GARIN5B: variants seen among roughly 807,000 people sequenced by gnomAD.
GARIN5B encodes golgi associated RAB2 interactor family member 5B.
At chr19:55,359,050 G>A in the GARIN5B span, 1 of 1,551,384 alleles carries the variant, frequency 6.4e-7, no homozygotes, top group Admixed American at 2.0e-5. Context: ...CCGGGGACTT[G>A]GCCTGAGTCG....
chr19:55,356,182 G>A, the GARIN5B span, among the ~76,000 whole-genome samples: 1 of 151,696 alleles, frequency 6.6e-6, no homozygotes, highest in African/African-American at 2.4e-5. Context: ...GACTAGCCTG[G>A]CCAACATGGC....
At chr19:55,360,444 T>G in the GARIN5B span, among the ~76,000 whole-genome samples, 2 of 107,700 alleles carry the variant, frequency 1.9e-5, no homozygotes, top group African/African-American at 3.7e-5. Context: ...GACTCAGGAG[T>G]CCAGGCCCCC....
At chr19:55,359,523 G>A in the GARIN5B span, 3 of 1,548,036 alleles carry the variant, frequency 1.9e-6, no homozygotes, top group South Asian at 1.2e-5. Flanking sequence ...GCCTTCCGGG[G>A]AGGAGCTGAC....
the GARIN5B span, chr19:55,358,344 C>T: frequency 6.6e-7 from 1 of 1,526,340 alleles, no homozygotes; most frequent in African/African-American, 1.4e-5. Flanking sequence ...CTGGCTGTGG[C>T]CTCCATCTTT....
chr19:55,362,716 C>A, the GARIN5B span: 11 of 1,536,410 alleles, frequency 7.2e-6, no homozygotes, highest in African/African-American at 1.1e-4. Context: ...GAACACTGGG[C>A]CCCCTTGATG....
chr19:55,358,857 T>C, the GARIN5B span: 410 of 1,547,460 alleles, frequency 2.6e-4, 1 homozygote, highest in Admixed American at 3.6e-4. Context: ...TTGACCCATC[T>C]CTTCCGCTGC....
the GARIN5B span, chr19:55,359,035 C>T: frequency 1.3e-6 from 2 of 1,551,392 alleles, no homozygotes; most frequent in East Asian, 2.4e-5. Flanking sequence ...CGGTGAAGGG[C>T]GACTCCGGGG....
At chr19:55,359,520 G>A in the GARIN5B span, 92 of 1,551,224 alleles carry the variant, frequency 5.9e-5, no homozygotes, top group African/African-American at 8.2e-5. Flanking sequence ...GGGGCCTTCC[G>A]GGGAGGAGCT....
At chr19:55,362,171 C>G in the GARIN5B span, 1 of 1,438,930 alleles carries the variant, frequency 6.9e-7, no homozygotes. Context: ...GGCTCTTGGT[C>G]GCAGTCCCCT....
the GARIN5B span, chr19:55,359,807 G>A: frequency 6.4e-7 from 1 of 1,551,420 alleles, no homozygotes; most frequent in Non-Finnish European, 8.7e-7. Flanking sequence ...AGACGACAAA[G>A]TGCTGCCCCC....
At chr19:55,362,305 C>T in the GARIN5B span, 3 of 1,549,672 alleles carry the variant, frequency 1.9e-6, no homozygotes, top group African/African-American at 1.4e-5. Flanking sequence ...GGGCCGTGCG[C>T]GTGGTCCTGG....
the GARIN5B span, among the ~76,000 whole-genome samples, chr19:55,357,299 A>G: frequency 5.9e-5 from 9 of 152,212 alleles, no homozygotes; most frequent in Non-Finnish European, 1.2e-4. Flanking sequence ...ATCCGTCTCC[A>G]TCATTCTTCT....
the GARIN5B span, chr19:55,362,763 C>A: frequency 6.6e-7 from 1 of 1,512,030 alleles, no homozygotes; most frequent in South Asian, 1.2e-5. Context: ...GGGCTGGGAC[C>A]ACTCCTTCCT....
At chr19:55,361,523 A>T in the GARIN5B span, 1 of 1,327,476 alleles carries the variant, frequency 7.5e-7, no homozygotes, top group African/African-American at 1.5e-5. Flanking sequence ...TCCTGCTCCC[A>T]GGACCTGACG....
chr19:55,362,548 G>C, the GARIN5B span: 1 of 1,528,890 alleles, frequency 6.5e-7, no homozygotes, highest in Non-Finnish European at 8.8e-7. Context: ...GGGGTGGAGG[G>C]GGCGGCCGAG....
chr19:55,362,566 G>A, the GARIN5B span: 1 of 1,535,564 alleles, frequency 6.5e-7, no homozygotes. Flanking sequence ...GAGGGGTTGG[G>A]GGATGCGGCA....
At chr19:55,358,725 C>T in the GARIN5B span, 357 of 1,549,954 alleles carry the variant, frequency 2.3e-4, 1 homozygote, top group Non-Finnish European at 2.4e-4. Flanking sequence ...GAGACCAAAG[C>T]GGATTTCGAG....
At chr19:55,359,572 G>A in the GARIN5B span, 1 of 1,551,292 alleles carries the variant, frequency 6.4e-7, no homozygotes, top group East Asian at 2.4e-5. Context: ...ATCCAGGTGG[G>A]GGTTTCCACG....
chr19:55,359,770 G>A, the GARIN5B span: 1 of 1,551,402 alleles, frequency 6.4e-7, no homozygotes, highest in Non-Finnish European at 8.7e-7. Flanking sequence ...AGGCAGCCGG[G>A]GGATAGGGAG....
Sources: gnomAD v4.1 joint callset for allele counts (sites outside exome capture counted in the v4.1 genomes callset) on GRCh38, gnomAD v4.1.1 for gene constraint, MANE v1.5 for transcripts, NCBI Gene and HGNC (gene_info 2026-07-23, HGNC 2026-07-21) for gene names.